DCLK1: variants seen among roughly 807,000 people sequenced by gnomAD.
The protein encoded by DCLK1 is serine/threonine-protein kinase DCLK1.
DCLK1 carries 16 observed loss-of-function variants against 86.2 expected under a neutral mutation model. The ratio of observed to expected loss-of-function variants is 0.19; its 90% CI spans 0.13 to 0.28. The LOEUF (loss-of-function observed/expected upper bound fraction) is 0.28, where lower values mean the gene tolerates loss of function less well. DCLK1 is among the 10% of genes least tolerant of loss of function. The pLI, the probability that DCLK1 is intolerant of heterozygous loss-of-function variation, is 1.00. For missense variants in DCLK1, 590 were observed against 940.2 expected (o/e 0.63, Z 4.87); for synonymous variants, 369 against 370.5 (o/e 1.00, Z 0.05).
intron 2 of DCLK1, among the ~76,000 whole-genome samples, chr13:36,116,192 C>T (rs1885781220): frequency 6.6e-6 from 1 of 151,958 alleles, no homozygotes; most frequent in Admixed American, 6.6e-5. Context: ...TCAAGTGATC[C>T]GCCCACCTCA....
At chr13:35,896,570 G>T (rs1593710352) in intron 4 of DCLK1, among the ~76,000 whole-genome samples, 1 of 130,548 alleles carries the variant, frequency 7.7e-6, no homozygotes, top group Admixed American at 7.8e-5. Flanking sequence ...GTTAAAATAT[G>T]CTGTTAGAAC....
intron 3 of DCLK1, among the ~76,000 whole-genome samples, chr13:36,039,555 T>G (rs1326984125): frequency 6.6e-6 from 1 of 152,170 alleles, no homozygotes; most frequent in Non-Finnish European, 1.5e-5. Flanking sequence ...AAATTCCCTT[T>G]TTATTTAAAT....
intron 3 of DCLK1, among the ~76,000 whole-genome samples, chr13:36,007,509 G>C (rs1242514797): frequency 3.9e-5 from 6 of 152,174 alleles, no homozygotes; most frequent in Admixed American, 3.3e-4. Context: ...TTGGGGTTGT[G>C]AGTAGAGATG....
intron 4 of DCLK1, among the ~76,000 whole-genome samples, chr13:35,895,813 T>A (rs1005941515): frequency 1.3e-5 from 2 of 152,028 alleles, no homozygotes; most frequent in African/African-American, 4.8e-5. Flanking sequence ...TCTTTTAGTA[T>A]AATGAATATA....
intron 5 of DCLK1, among the ~76,000 whole-genome samples, chr13:35,859,012 A>T (rs765265465): frequency 1.3e-5 from 2 of 152,242 alleles, no homozygotes; most frequent in Admixed American, 1.3e-4. Flanking sequence ...AATAAGTTTG[A>T]CACATGTACT....
chr13:35,898,377 T>C, intron 4 of DCLK1, among the ~76,000 whole-genome samples: 1 of 152,252 alleles, frequency 6.6e-6, no homozygotes, highest in East Asian at 1.9e-4. Context: ...AGATATTTAA[T>C]GAAGTCTTGC....
intron 3 of DCLK1, among the ~76,000 whole-genome samples, chr13:36,076,878 CTTAGA>C (rs1309008488): frequency 6.6e-6 from 1 of 152,152 alleles, no homozygotes; most frequent in African/African-American, 2.4e-5. Flanking sequence ...TGGGCCAAAA[CTTAGA>C]TTATAGTTTC....
chr13:36,067,465 G>A (rs1947491039), intron 3 of DCLK1, among the ~76,000 whole-genome samples: 2 of 143,550 alleles, frequency 1.4e-5, no homozygotes, highest in African/African-American at 2.6e-5. Flanking sequence ...GCTAAATGAC[G>A]AGTTAATGGG....
chr13:35,808,374 T>G, intron 13 of DCLK1, 54 bp from the exon 14 acceptor site: 1 of 1,453,478 alleles, frequency 6.9e-7, no homozygotes, highest in Non-Finnish European at 9.7e-7. Flanking sequence ...CAACTCAGTG[T>G]ACATCTTTTC....
At chr13:35,779,005 C>T (rs529266366) in intron 16 of DCLK1, among the ~76,000 whole-genome samples, 27 of 152,156 alleles carry the variant, frequency 1.8e-4, no homozygotes, top group Admixed American at 1.3e-4. Flanking sequence ...TCTGCCCACT[C>T]AAATTTATTT....
At position 35,821,452 on chromosome 13, in the gene DCLK1, A is replaced by G. The variant is rs188678010; in HGVS notation, c.1554+1277T>C. On this transcript the variant is annotated intron_variant, in intron 11 of 16. Coordinates refer to ENST00000360631, the MANE Select transcript of DCLK1 (RefSeq NM_001330071.2). ...ATTTGGTAGGGCTGCATCTAGGCCC[A>G]GAAATTTGCATTTTTAACAGGCATC... 1.4e-3 allele frequency among the ~76,000 whole-genome samples: 216 copies of G among 152,234 alleles called. 1 individual carries two copies. Among genetic ancestry groups the G allele is most frequent in the African/African-American group, 5.1e-3 (212 of 41,550 alleles).
At chr13:35,946,696 A>G (rs1877401986) in intron 4 of DCLK1, among the ~76,000 whole-genome samples, 1 of 152,250 alleles carries the variant, frequency 6.6e-6, no homozygotes, top group African/African-American at 2.4e-5. Flanking sequence ...TTGGTAGAAT[A>G]ATCTTACCTG....
At chr13:36,011,634 G>A (rs1243012750) in intron 3 of DCLK1, among the ~76,000 whole-genome samples, 1 of 152,018 alleles carries the variant, frequency 6.6e-6, no homozygotes, top group African/African-American at 2.4e-5. Flanking sequence ...CCTGAGGAGA[G>A]CTTTACTTCC....
At chr13:36,093,254 A>C (rs1884900854) in intron 3 of DCLK1, among the ~76,000 whole-genome samples, 1 of 152,196 alleles carries the variant, frequency 6.6e-6, no homozygotes. Context: ...CAAATTATTT[A>C]AGAAGTCGGT....
rs546394415 is a variant in DCLK1 at position 35,991,883 on chromosome 13, G to T, written c.724-44426C>A. Reference sequence around the variant, plus strand: ...ATATGACAAGTTACTCATCTATTTGGGGGTAATGCTAGGAAGATCTTATAC... The same window carrying T: ...ATATGACAAGTTACTCATCTATTTGTGGGTAATGCTAGGAAGATCTTATAC... On this transcript the variant is annotated intron_variant, in intron 3 of 16. Coordinates refer to ENST00000360631, the MANE Select transcript of DCLK1 (RefSeq NM_001330071.2). 2.0e-5 allele frequency among the ~76,000 whole-genome samples: 3 copies of T among 152,146 alleles called. No individual in the cohort carries two copies. The South Asian group carries it at 6.2e-4, about 32-fold the overall frequency.
chr13:35,802,756 A>AT (rs1255929282), intron 15 of DCLK1, among the ~76,000 whole-genome samples: 1 of 152,342 alleles, frequency 6.6e-6, no homozygotes, highest in East Asian at 1.9e-4. Context: ...TTTAAGCATC[A>AT]TTAAAAAAAA....
chr13:35,873,838 T>A (rs1315534298), intron 4 of DCLK1, among the ~76,000 whole-genome samples: 1 of 152,246 alleles, frequency 6.6e-6, no homozygotes, highest in Non-Finnish European at 1.5e-5. Context: ...AGTAAAGTTG[T>A]ACATTTTTCC....
Position 36,125,918 on chromosome 13 carries a change from A to G in DCLK1, c.220T>C (p.Tyr74His). ...NGDRYFKGIV[Y>H]AISPDRFRSF... ...CGGAACCGGTCTGGGGAGATGGCAT[A>G]CACAATCCCTTTGAAGTATCGATCT... Residue 74 changes from tyrosine to histidine, a missense_variant, in exon 2 of 17, where the codon TAT (tyrosine) becomes CAT (histidine). Transcript: ENST00000360631. 6.2e-7 allele frequency: 1 copy of G among 1,614,208 alleles called. No homozygotes were observed. Among genetic ancestry groups the G allele is most frequent in the Non-Finnish European group, 8.5e-7 (1 of 1,180,046 alleles).
chr13:35,996,516 T>C (rs1221023073), intron 3 of DCLK1, among the ~76,000 whole-genome samples: 1 of 152,188 alleles, frequency 6.6e-6, no homozygotes, highest in African/African-American at 2.4e-5. Flanking sequence ...GTAATGCAGG[T>C]GGGCCTCATC....
Sources: gnomAD v4.1 joint callset for allele counts (sites outside exome capture counted in the v4.1 genomes callset) on GRCh38, gnomAD v4.1.1 for gene constraint, MANE v1.5 for transcripts, NCBI Gene and HGNC (gene_info 2026-07-23, HGNC 2026-07-21) for gene names.